The following MYOF variants were observed in gnomAD, a reference collection of about 807,000 sequenced individuals.
The protein encoded by MYOF is fer-1-like 3, myoferlin.
MYOF carries 244 observed loss-of-function variants against 284.2 expected under a neutral mutation model. The observed-to-expected ratio is 0.86, with a 90% CI of 0.77 to 0.95. The LOEUF (loss-of-function observed/expected upper bound fraction) is 0.95, where lower values mean the gene tolerates loss of function less well. MYOF is among the 40% of genes least tolerant of loss of function. The pLI is 0.00. For missense variants in MYOF, 2,496 were observed against 2,560.6 expected (o/e 0.97, Z 0.54); for synonymous variants, 904 against 919.7 (o/e 0.98, Z 0.31).
At chr10:93,307,198 C>CCCCAA (rs1252950133) in intron 53 of MYOF, among the ~76,000 whole-genome samples, 197 bp from the exon 54 acceptor site, 2 of 151,420 alleles carry the variant, frequency 1.3e-5, no homozygotes, top group Non-Finnish European at 1.5e-5. Flanking sequence ...ACCCCCCCGC[C>CCCCAA]AAGTTGTTGC....
intron 1 of MYOF, among the ~76,000 whole-genome samples, chr10:93,469,884 T>C (rs1325051836): frequency 6.6e-6 from 1 of 152,176 alleles, no homozygotes; most frequent in Admixed American, 6.5e-5. Flanking sequence ...TTTGTTCAGC[T>C]CTCAAGTGAG....
In MYOF at chr10:93,310,599, G is replaced by C; in HGVS notation, c.5934C>G (p.Ala1978=). 6.2e-7 allele frequency: 1 copy of C among 1,614,120 alleles called. No individual in the cohort carries two copies. The change falls in exon 52 of 54, where the codon GCC becomes GCG. Residue 1978 remains alanine (A), a synonymous_variant. Coordinates refer to ENST00000359263, the MANE Select transcript of MYOF (RefSeq NM_013451.4). ...GCCCCTTCCCGGCTGGCCTCTCGTC[G>C]GCCTCCTTCTCGTTGAGGATTTCCA... ...MTLEILNEKE[A]DERPAGKGRD...
At chr10:93,412,835 C>A (rs190597816) in intron 5 of MYOF, among the ~76,000 whole-genome samples, 128 of 152,290 alleles carry the variant, frequency 8.4e-4, no homozygotes, top group African/African-American at 3.0e-3. Flanking sequence ...GGAAAGAACA[C>A]CCAGATGGCT....
rs1486536578 is a variant in MYOF at position 93,347,731 on chromosome 10, C to T, written c.4135G>A (p.Asp1379Asn). ...GGCTTCCGCCCAAACTGCCTGTGGT[C>T]GATGACCTTGATCACCAGTGGGGGC... Reference protein sequence around the residue: ...YMPPLVIKVIDHRQFGRKPVV... With the variant: ...YMPPLVIKVINHRQFGRKPVV... The change falls in exon 37 of 54, where the codon GAC (aspartate) becomes AAC (asparagine). Residue 1379 changes from aspartate to asparagine, a missense_variant. Around this residue, in one of 3 missense-constraint regions of MYOF, gnomAD observed 2,436 missense variants for 2,480.7 expected, o/e 0.98. Transcript: ENST00000359263. 9.3e-6 allele frequency: 15 copies of T among 1,614,070 alleles called. No homozygotes were observed. The highest frequency in any genetic ancestry group is 5.5e-5 in the South Asian group (5 of 91,064).
chr10:93,328,991 C>T, intron 44 of MYOF, 80 bp from the exon 45 acceptor site: 1 of 1,413,868 alleles, frequency 7.1e-7, no homozygotes, highest in East Asian at 2.3e-5. Flanking sequence ...TGCTCATGTA[C>T]TCTTAGGTGC....
chr10:93,464,960 C>G (rs748462840), intron 1 of MYOF, among the ~76,000 whole-genome samples: 1 of 152,202 alleles, frequency 6.6e-6, no homozygotes, highest in African/African-American at 2.4e-5. Flanking sequence ...ATGAATTCAT[C>G]TGCCATTTTG....
At chr10:93,329,547 C>CTAAT (rs1843207924) in intron 44 of MYOF, 117 bp downstream of exon 44, 2 of 958,180 alleles carry the variant, frequency 2.1e-6, no homozygotes, top group Non-Finnish European at 2.9e-6. Context: ...AAATCCATAC[C>CTAAT]TGAGTGATAG....
At chr10:93,376,515 C>A (rs953296914) in intron 22 of MYOF, among the ~76,000 whole-genome samples, 2 of 152,062 alleles carry the variant, frequency 1.3e-5, no homozygotes, top group African/African-American at 4.8e-5. Flanking sequence ...AAACAAGCAC[C>A]CCAGCAGTAC....
chr10:93,355,582 AAAAAT>A lies in MYOF; in HGVS notation c.3403+41_3403+45del, dbSNP rs5787054. ...GTGATAGGGCCAGACTCAGTCTTGAAAAAATAAAATAAAATAAAATAAATCAAAAA... is the reference window on the plus strand; with the variant it reads ...GTGATAGGGCCAGACTCAGTCTTGAAAAAATAAAATAAAATAAATCAAAAA... On this transcript the variant is annotated intron_variant, in intron 31 of 53. Transcript: ENST00000359263. 8.3e-4 allele frequency: 1,144 copies of A among 1,383,378 alleles called. 13 individuals carry two copies. The African/African-American group carries it at 0.014, about 17-fold the overall frequency. 85.7% of individuals were successfully genotyped at this position (1,383,378 alleles called of 1,614,324 possible).
At chr10:93,471,952 G>C (rs1002427035) in intron 1 of MYOF, among the ~76,000 whole-genome samples, 1 of 151,942 alleles carries the variant, frequency 6.6e-6, no homozygotes, top group Non-Finnish European at 1.5e-5. Context: ...AGAGGACCAA[G>C]GCTATTTCCC....
chr10:93,351,992 G>A (rs981162738), intron 32 of MYOF, 146 bp from the exon 33 acceptor site: 4 of 737,942 alleles, frequency 5.4e-6, no homozygotes, highest in East Asian at 3.0e-5. Context: ...TAGGGAGCAG[G>A]GAGTTCCCCA....
chr10:93,361,681 AG>A, intron 27 of MYOF, 124 bp from the exon 28 acceptor site: 1 of 764,230 alleles, frequency 1.3e-6, no homozygotes, highest in East Asian at 2.6e-5. Flanking sequence ...ACCATCTTAG[AG>A]ATCCATTTCA....
intron 31 of MYOF, among the ~76,000 whole-genome samples, chr10:93,354,666 A>ACTCTCTCTCTCTCTCTCTCTCTCT (rs140255016): frequency 0.011 from 1,289 of 118,948 alleles, 58 homozygotes; most frequent in Non-Finnish European, 0.017. Flanking sequence ...TCACACATTC[A>ACTCTCTCTCTCTCTCTCTCTCTCT]CTCTCTCTCT....
chr10:93,466,044 C>T (rs1258034597), intron 1 of MYOF, among the ~76,000 whole-genome samples: 1 of 152,190 alleles, frequency 6.6e-6, no homozygotes, highest in Non-Finnish European at 1.5e-5. Context: ...GGCAGCCTGG[C>T]AGCCTCCAGG....
intron 19 of MYOF, among the ~76,000 whole-genome samples, chr10:93,381,748 T>C (rs531317135): frequency 1.3e-5 from 2 of 152,066 alleles, no homozygotes; most frequent in Non-Finnish European, 2.9e-5. Context: ...AAAGAGTATA[T>C]TTTTTGGGCT....
At chr10:93,443,443 C>T (rs788097) in intron 3 of MYOF, among the ~76,000 whole-genome samples, 146,803 of 151,688 alleles carry the variant, frequency 0.97, 71,218 homozygotes, top group South Asian at 1. Context: ...CTCTTCTCTC[C>T]TCTTTCTTCT....
intron 2 of MYOF, among the ~76,000 whole-genome samples, chr10:93,453,843 C>T (rs2056662938): frequency 6.6e-6 from 1 of 151,938 alleles, no homozygotes; most frequent in African/African-American, 2.4e-5. Flanking sequence ...TATGACTGTG[C>T]CATTACACTC....
At chr10:93,374,116 G>T (rs1451249829) in intron 23 of MYOF, among the ~76,000 whole-genome samples, 1 of 152,086 alleles carries the variant, frequency 6.6e-6, no homozygotes, top group African/African-American at 2.4e-5. Flanking sequence ...GCGGTGTTTG[G>T]TTTTCTGTCC....
intron 1 of MYOF, among the ~76,000 whole-genome samples, chr10:93,480,859 G>A (rs947259882): frequency 2.6e-5 from 4 of 152,130 alleles, no homozygotes; most frequent in Non-Finnish European, 4.4e-5. Context: ...GGGGAAAAAC[G>A]GGAAACAGAA....
Sources: gnomAD v4.1 joint callset for allele counts (sites outside exome capture counted in the v4.1 genomes callset) on GRCh38, gnomAD v4.1.1 for gene constraint, gnomAD v4.1.1 regional missense constraint, MANE v1.5 for transcripts, NCBI Gene and HGNC (gene_info 2026-07-23, HGNC 2026-07-21) for gene names.